CDIN1: variants seen among roughly 807,000 people sequenced by gnomAD.
CDIN1 encodes the protein CDAN1-interacting nuclease 1.
Under a neutral mutation model 45.3 loss-of-function variants are expected in CDIN1, and 33 were observed. That is an observed-to-expected ratio of 0.73 (90% CI 0.55 to 0.97). The LOEUF (loss-of-function observed/expected upper bound fraction) is 0.97. Ranked by LOEUF, CDIN1 falls within the 50% of genes least tolerant of loss-of-function variation. The pLI, the probability that CDIN1 is intolerant of heterozygous loss-of-function variation, is 0.00. For missense variants in CDIN1, 303 were observed against 339.4 expected, an observed-to-expected ratio of 0.89 and a Z score of 0.84; for synonymous variants, 118 against 124.4, an observed-to-expected ratio of 0.95 and a Z score of 0.34.
At chr15:36,653,498 T>G (rs2140448431) in intron 3 of CDIN1, among the ~76,000 whole-genome samples, 1 of 151,968 alleles carries the variant, frequency 6.6e-6, no homozygotes, top group Non-Finnish European at 1.5e-5. Flanking sequence ...TCTGGGGTTT[T>G]GTTTTGTTTG....
At chr15:36,761,373 G>A (rs1045029235) in intron 10 of CDIN1, among the ~76,000 whole-genome samples, 2 of 152,152 alleles carry the variant, frequency 1.3e-5, no homozygotes, top group East Asian at 3.8e-4. Context: ...TCTTACCTCA[G>A]ATTTACATAT....
At chr15:36,749,080 G>A (rs897599774) in intron 10 of CDIN1, among the ~76,000 whole-genome samples, 2 of 152,064 alleles carry the variant, frequency 1.3e-5, no homozygotes, top group Non-Finnish European at 2.9e-5. Flanking sequence ...ACACTCACTC[G>A]TATCGCTTTA....
chr15:36,656,461 C>T (rs891705857), intron 4 of CDIN1, among the ~76,000 whole-genome samples: 3 of 152,092 alleles, frequency 2.0e-5, no homozygotes, highest in Admixed American at 6.6e-5. Flanking sequence ...GCAATTCACA[C>T]TTCGTTAGTG....
chr15:36,598,771 C>CT (rs539110305), intron 1 of CDIN1, among the ~76,000 whole-genome samples: 235 of 150,926 alleles, frequency 1.6e-3, no homozygotes, highest in African/African-American at 3.1e-3. Flanking sequence ...CATCCCCCAT[C>CT]TTTTTTTTTG....
chr15:36,778,501 T>G (rs1244870803), intron 10 of CDIN1, among the ~76,000 whole-genome samples: 2 of 152,232 alleles, frequency 1.3e-5, no homozygotes, highest in Non-Finnish European at 1.5e-5. Flanking sequence ...CATCTCTCCT[T>G]GCAATTATCC....
chr15:36,624,273 A>T (rs2140322908), intron 1 of CDIN1, among the ~76,000 whole-genome samples: 1 of 152,328 alleles, frequency 6.6e-6, no homozygotes, highest in Non-Finnish European at 1.5e-5. Context: ...CTAAGATTGG[A>T]TTTATTGGAA....
chr15:36,692,213 G>A (rs368036506), intron 7 of CDIN1, 38 bp downstream of exon 7: 29 of 1,584,382 alleles, frequency 1.8e-5, no homozygotes, highest in East Asian at 2.2e-5. Context: ...CGCAATTGAC[G>A]AGCTTAGACT....
rs1233029181 is a variant in CDIN1, at chr15:36,630,146, T to G, written c.102-14132T>G. ...AAGTTAATTATTTTCCTTGATCTTC[T>G]CACTCTGTGGTTTGATTACTTTAAA... On this transcript the variant is annotated intron_variant, in intron 1 of 10. Transcript: ENST00000566621. 2.6e-5 allele frequency among the ~76,000 whole-genome samples: 4 copies of G among 152,202 alleles called. No individual in the cohort carries two copies. In the East Asian group the frequency reaches 7.7e-4, roughly 29 times the overall value.
At chr15:36,641,880 T>A (rs1383457971) in intron 1 of CDIN1, 1 of 152,254 alleles carries the variant, frequency 6.6e-6, no homozygotes, top group East Asian at 1.9e-4. Context: ...AATGTTGGAC[T>A]GTGATGTTTA....
intron 1 of CDIN1, among the ~76,000 whole-genome samples, chr15:36,582,771 G>C (rs1053863288): frequency 6.6e-6 from 1 of 152,150 alleles, no homozygotes; most frequent in Non-Finnish European, 1.5e-5. Flanking sequence ...AATTGTACTA[G>C]TCCTTTTACT....
At chr15:36,678,030 T>C (rs532233230) in intron 5 of CDIN1, among the ~76,000 whole-genome samples, 3 of 152,352 alleles carry the variant, frequency 2.0e-5, no homozygotes, top group South Asian at 4.1e-4. Context: ...TACTTTTATA[T>C]TTGATAGCTC....
chr15:36,619,146 T>C, intron 1 of CDIN1: 1 of 1,133,854 alleles, frequency 8.8e-7, no homozygotes, highest in Non-Finnish European at 1.3e-6. Context: ...GCCATACCAT[T>C]CCCAGGGGAG....
chr15:36,800,398 A>G (rs192491330), intron 10 of CDIN1, among the ~76,000 whole-genome samples: 1 of 152,334 alleles, frequency 6.6e-6, no homozygotes, highest in Admixed American at 6.5e-5. Context: ...TAAATTGACC[A>G]TAGTGCCAGA....
intron 1 of CDIN1, among the ~76,000 whole-genome samples, chr15:36,621,087 C>T (rs945735455): frequency 6.6e-6 from 1 of 152,088 alleles, no homozygotes; most frequent in African/African-American, 2.4e-5. Context: ...TTAAGTCATA[C>T]CATGTTTAGA....
In CDIN1 at chr15:36,709,981, C is replaced by A; in HGVS notation, c.716+20C>A. On this transcript the variant is annotated intron_variant, in intron 10 of 10. Transcript: ENST00000566621. ...GAATAGGTAAGGTCTCATTATTTTT[C>A]TTTTAAGATAAACGATACTCAGCTG... 2 of 1,559,162 alleles carry A rather than the reference C, an allele frequency of 1.3e-6. No individual in the cohort carries two copies. Among genetic ancestry groups the A allele is most frequent in the Non-Finnish European group, 8.8e-7 (1 of 1,138,974 alleles).
intron 10 of CDIN1, among the ~76,000 whole-genome samples, chr15:36,734,906 A>T (rs558491230): frequency 6.6e-6 from 1 of 152,168 alleles, no homozygotes; most frequent in East Asian, 1.9e-4. Context: ...CTGTGTCTAG[A>T]CTTCCATTTA....
intron 1 of CDIN1, chr15:36,613,514 C>T: frequency 6.5e-7 from 1 of 1,543,786 alleles, no homozygotes; most frequent in Non-Finnish European, 8.8e-7. Context: ...GCGCAAGATC[C>T]AGGTTGTGCA....
At chr15:36,646,325 T>A (rs1318790980) in intron 3 of CDIN1, among the ~76,000 whole-genome samples, 3 of 152,108 alleles carry the variant, frequency 2.0e-5, no homozygotes, top group African/African-American at 7.2e-5. Flanking sequence ...TTAGATTTTT[T>A]AAAAAAAATT....
Position 36,613,343 on chromosome 15 carries a change from C to T in CDIN1, c.102-30935C>T, listed in dbSNP as rs117418844. On this transcript the variant is annotated intron_variant, in intron 1 of 10. Transcript: ENST00000566621. ...AAGTCACTGTGCTATATATTGATGA[C>T]GTAAAGTTAAAAAGATGTAAAGATA... 1,608 of 727,110 alleles carry T rather than the reference C, an allele frequency of 2.2e-3. 42 individuals are homozygous for T. In the East Asian group the frequency reaches 0.039, roughly 18 times the overall value. The allele number at this position is 727,110 out of a possible 1,614,324, so 45.0% of individuals were successfully genotyped here.
Sources: gnomAD v4.1 joint callset for allele counts (sites outside exome capture counted in the v4.1 genomes callset) on GRCh38, gnomAD v4.1.1 for gene constraint, MANE v1.5 for transcripts, NCBI Gene and HGNC (gene_info 2026-07-23, HGNC 2026-07-21) for gene names.